The following RSRC1 variants were observed in gnomAD, a reference collection of about 807,000 sequenced individuals.
RSRC1 encodes the protein serine/Arginine-related protein 53.
In RSRC1, 39 loss-of-function variants were observed where a neutral mutation model predicts 49.1. The observed-to-expected ratio is 0.79, with a 90% CI of 0.61 to 1.04. RSRC1 has a LOEUF of 1.04. RSRC1 is among the 50% of genes least tolerant of loss of function. RSRC1 has a pLI of 0.00. For synonymous variants in RSRC1, 143 were observed against 130.8 expected (o/e 1.09, Z -0.63); for missense variants, 388 against 402.4 (o/e 0.96, Z 0.31).
At chr3:158,429,842 T>C (rs1377978952) in intron 6 of RSRC1, among the ~76,000 whole-genome samples, 3 of 151,432 alleles carry the variant, frequency 2.0e-5, no homozygotes, top group African/African-American at 7.3e-5. Flanking sequence ...ATTCGTAGAA[T>C]CGAGGAGTGA....
intron 7 of RSRC1, among the ~76,000 whole-genome samples, chr3:158,501,345 T>A (rs1347889373): frequency 1.3e-5 from 2 of 152,166 alleles, no homozygotes; most frequent in Non-Finnish European, 2.9e-5. Context: ...GGGTTGTTGG[T>A]TGAAATGTTC....
chr3:158,320,006 G>T (rs1253666242), intron 5 of RSRC1, among the ~76,000 whole-genome samples: 1 of 152,166 alleles, frequency 6.6e-6, no homozygotes, highest in African/African-American at 2.4e-5. Context: ...ACTATAGGAG[G>T]AGATTTACTT....
chr3:158,362,394 C>T (rs1731527413), intron 6 of RSRC1, among the ~76,000 whole-genome samples: 1 of 152,112 alleles, frequency 6.6e-6, no homozygotes, highest in South Asian at 2.1e-4. Context: ...GCAGTTTTAA[C>T]AATACCTATA....
At chr3:158,353,693 T>C (rs923925490) in intron 5 of RSRC1, among the ~76,000 whole-genome samples, 1 of 152,228 alleles carries the variant, frequency 6.6e-6, no homozygotes, top group Non-Finnish European at 1.5e-5. Flanking sequence ...AGTTATTTAA[T>C]TCTTTTATTC....
intron 3 of RSRC1, among the ~76,000 whole-genome samples, chr3:158,153,580 G>C (rs555663605): frequency 1.3e-5 from 2 of 152,306 alleles, no homozygotes; most frequent in South Asian, 4.1e-4. Context: ...AGAAAGCACT[G>C]TATTAAGGAT....
chr3:158,307,148 T>A (rs1406848428), intron 5 of RSRC1, among the ~76,000 whole-genome samples: 1 of 151,866 alleles, frequency 6.6e-6, no homozygotes, highest in Non-Finnish European at 1.5e-5. Flanking sequence ...TTGTTTTTTT[T>A]ACTGAGCACA....
At chr3:158,460,457 A>G (rs1737551695) in intron 6 of RSRC1, among the ~76,000 whole-genome samples, 1 of 151,898 alleles carries the variant, frequency 6.6e-6, no homozygotes, top group Admixed American at 6.6e-5. Flanking sequence ...AAATGCTGTC[A>G]TAACATGAAT....
At chr3:158,269,076 CT>C (rs1334591510) in intron 4 of RSRC1, among the ~76,000 whole-genome samples, 2 of 152,040 alleles carry the variant, frequency 1.3e-5, no homozygotes, top group African/African-American at 4.8e-5. Context: ...ATTTTTATTT[CT>C]TAAATATCAT....
At chr3:158,118,462 T>TGTGTGTGCGCGCGC (rs1491469875) in intron 1 of RSRC1, among the ~76,000 whole-genome samples, 126 of 124,690 alleles carry the variant, frequency 1.0e-3, no homozygotes, top group Admixed American at 1.7e-3. Context: ...TGTGTGTGTG[T>TGTGTGTGCGCGCGC]GCGCGTGCGC....
intron 3 of RSRC1, among the ~76,000 whole-genome samples, chr3:158,193,474 C>G (rs1720357563): frequency 6.6e-6 from 1 of 151,946 alleles, no homozygotes; most frequent in African/African-American, 2.4e-5. Context: ...ACTCACCTGT[C>G]TTTTGTTACT....
chr3:158,191,015 T>C (rs1192504297), intron 3 of RSRC1, among the ~76,000 whole-genome samples: 1 of 151,898 alleles, frequency 6.6e-6, no homozygotes, highest in Non-Finnish European at 1.5e-5. Context: ...TTCTAACTCC[T>C]GGAGTCAAGT....
intron 6 of RSRC1, among the ~76,000 whole-genome samples, chr3:158,392,966 T>C (rs1733401483): frequency 6.6e-6 from 1 of 152,004 alleles, no homozygotes; most frequent in Non-Finnish European, 1.5e-5. Context: ...AAAATCATGC[T>C]AGCCACATTC....
At chr3:158,234,316 T>G (rs1455719268) in intron 4 of RSRC1, among the ~76,000 whole-genome samples, 1 of 152,144 alleles carries the variant, frequency 6.6e-6, no homozygotes, top group African/African-American at 2.4e-5. Context: ...ATTTAAAGGT[T>G]AAACTGATAA....
At position 158,175,034 on chromosome 3, in the gene RSRC1, C is replaced by A. The variant is rs1314577623; in HGVS notation, c.321-28038C>A. ...TATTCTGGTGGGCATATAGTACTAT[C>A]CCTTTGGGTTTTAATTTTATTCCCC... On this transcript the variant is annotated intron_variant, in intron 3 of 9. Coordinates refer to ENST00000611884, the MANE Select transcript of RSRC1 (RefSeq NM_001271838.2). 3.9e-5 allele frequency among the ~76,000 whole-genome samples: 6 copies of A among 152,152 alleles called. No individual in the cohort carries two copies. In the East Asian group the frequency reaches 7.7e-4, roughly 20 times the overall value.
chr3:158,435,097 A>G (rs1239045635), intron 6 of RSRC1, among the ~76,000 whole-genome samples: 2 of 151,934 alleles, frequency 1.3e-5, no homozygotes, highest in Non-Finnish European at 2.9e-5. Flanking sequence ...TGAAATGAAA[A>G]TAGTAATGTT....
chr3:158,287,531 T>C (rs2108092760), intron 4 of RSRC1, among the ~76,000 whole-genome samples: 1 of 152,292 alleles, frequency 6.6e-6, no homozygotes, highest in Non-Finnish European at 1.5e-5. Context: ...CAGTTTTATT[T>C]ATAAGGATAA....
At chr3:158,198,377 A>C (rs1720782372) in intron 3 of RSRC1, among the ~76,000 whole-genome samples, 1 of 151,862 alleles carries the variant, frequency 6.6e-6, no homozygotes, top group Non-Finnish European at 1.5e-5. Flanking sequence ...TTTTGAGCTT[A>C]TGTGTATCTC....
chr3:158,325,122 A>T (rs528270480), intron 5 of RSRC1, among the ~76,000 whole-genome samples: 4 of 152,174 alleles, frequency 2.6e-5, no homozygotes, highest in African/African-American at 9.6e-5. Context: ...TAGATTCTGG[A>T]TATTAGCCCT....
chr3:158,113,747 G>A (rs896166670), intron 1 of RSRC1, among the ~76,000 whole-genome samples: 2 of 152,088 alleles, frequency 1.3e-5, no homozygotes, highest in Non-Finnish European at 2.9e-5. Context: ...TTTCTCTAAT[G>A]ATCAGTGATG....
Sources: gnomAD v4.1 joint callset for allele counts (sites outside exome capture counted in the v4.1 genomes callset) on GRCh38, gnomAD v4.1.1 for gene constraint, MANE v1.5 for transcripts, NCBI Gene and HGNC (gene_info 2026-07-23, HGNC 2026-07-21) for gene names.